RBFOX1: variants seen among roughly 807,000 people sequenced by gnomAD.
The protein encoded by RBFOX1 is RNA binding protein fox-1 homolog 1.
RBFOX1 carries 8 observed loss-of-function variants against 57.7 expected under a neutral mutation model. The observed-to-expected ratio is 0.14, with a 90% CI of 0.08 to 0.25. The LOEUF is 0.25. Among genes scored for constraint, RBFOX1 ranks in the 10% least tolerant of loss-of-function variants. RBFOX1 has a pLI of 1.00. For synonymous variants in RBFOX1, 326 were observed against 222.4 expected, an observed-to-expected ratio of 1.47 and a Z score of -4.15; for missense variants, 611 against 548.5, an observed-to-expected ratio of 1.11 and a Z score of -1.14.
intron 9 of RBFOX1, among the ~76,000 whole-genome samples, chr16:7,604,025 G>T (rs2095175774): frequency 6.6e-6 from 1 of 152,146 alleles, no homozygotes; most frequent in Admixed American, 6.5e-5. Flanking sequence ...GGTGGCAATG[G>T]AGAAGAAGGG....
At chr16:5,972,040 A>T (rs956964615) in intron 4 of RBFOX1, among the ~76,000 whole-genome samples, 2 of 152,226 alleles carry the variant, frequency 1.3e-5, no homozygotes, top group Admixed American at 6.5e-5. Flanking sequence ...AAACTGAAGC[A>T]TGGGCTCTTT....
chr16:7,325,374 A>G (rs1025230629), intron 4 of RBFOX1, among the ~76,000 whole-genome samples: 2 of 152,208 alleles, frequency 1.3e-5, no homozygotes, highest in Non-Finnish European at 2.9e-5. Context: ...AATGTGGTCT[A>G]TGTGGTTTAA....
At chr16:6,141,413 C>G (rs1160999681) in intron 1 of RBFOX1, among the ~76,000 whole-genome samples, 1 of 152,114 alleles carries the variant, frequency 6.6e-6, no homozygotes, top group Non-Finnish European at 1.5e-5. Flanking sequence ...TGTCGCTTGT[C>G]TCCTCCCCCT....
chr16:6,134,445 G>T (rs539243304), intron 1 of RBFOX1, among the ~76,000 whole-genome samples: 3 of 152,194 alleles, frequency 2.0e-5, no homozygotes, highest in African/African-American at 7.2e-5. Context: ...TGAATGTCTT[G>T]TTAGGGGTAT....
intron 4 of RBFOX1, among the ~76,000 whole-genome samples, chr16:7,182,996 G>A (rs186945436): frequency 1.2e-4 from 19 of 152,268 alleles, no homozygotes; most frequent in African/African-American, 4.6e-4. Flanking sequence ...TGAGAGCTAA[G>A]CCTTATTTAG....
At chr16:7,060,177 C>T (rs185568464) in intron 4 of RBFOX1, among the ~76,000 whole-genome samples, 45 of 152,246 alleles carry the variant, frequency 3.0e-4, no homozygotes, top group African/African-American at 1.0e-3. Flanking sequence ...ATAGGGTCTC[C>T]ATTGCCCCCA....
intron 4 of RBFOX1, among the ~76,000 whole-genome samples, chr16:7,074,314 A>G (rs1271816366): frequency 6.6e-6 from 1 of 152,254 alleles, no homozygotes; most frequent in Non-Finnish European, 1.5e-5. Context: ...ACCATAAGCA[A>G]GAACCAAACT....
intron 1 of RBFOX1, 141 bp downstream of exon 1, chr16:6,020,133 T>G (rs2095039133): frequency 9.8e-7 from 1 of 1,018,614 alleles, no homozygotes; most frequent in African/African-American, 1.7e-5. Context: ...ACGGGAACTT[T>G]TTCAGGGTGT....
intron 1 of RBFOX1, among the ~76,000 whole-genome samples, chr16:5,304,605 G>A (rs975268921): frequency 6.6e-6 from 1 of 152,234 alleles, no homozygotes; most frequent in Non-Finnish European, 1.5e-5. Flanking sequence ...TCCTTTTATT[G>A]CCAGATACTC....
At chr16:5,350,912 A>G (rs1347810693) in intron 1 of RBFOX1, among the ~76,000 whole-genome samples, 2 of 151,582 alleles carry the variant, frequency 1.3e-5, no homozygotes, top group African/African-American at 2.4e-5. Flanking sequence ...ATCATAATGC[A>G]TCTCGCAGGG....
intron 1 of RBFOX1, among the ~76,000 whole-genome samples, chr16:6,168,458 G>T (rs927594007): frequency 6.6e-6 from 1 of 152,154 alleles, no homozygotes; most frequent in African/African-American, 2.4e-5. Context: ...GTTATATGCA[G>T]ACTTCTGAAC....
At chr16:6,672,475 G>GA (rs1309174855) in intron 3 of RBFOX1, among the ~76,000 whole-genome samples, 2 of 138,750 alleles carry the variant, frequency 1.4e-5, no homozygotes, top group Non-Finnish European at 3.1e-5. Flanking sequence ...AAGAAGGAAA[G>GA]AAAAAAGAAA....
At chr16:5,634,645 A>T (rs1424363964) in intron 3 of RBFOX1, among the ~76,000 whole-genome samples, 2 of 152,202 alleles carry the variant, frequency 1.3e-5, no homozygotes, top group Non-Finnish European at 2.9e-5. Context: ...GTCAGAGAGG[A>T]AGGATCATAG....
At chr16:6,871,283 TA>T (rs567544657) in intron 3 of RBFOX1, among the ~76,000 whole-genome samples, 216 of 152,280 alleles carry the variant, frequency 1.4e-3, no homozygotes, top group African/African-American at 4.7e-3. Context: ...CCTCCTGGGT[TA>T]AAGTGATTTT....
chr16:5,706,448 C>T (rs938988233), intron 3 of RBFOX1, among the ~76,000 whole-genome samples: 1 of 152,118 alleles, frequency 6.6e-6, no homozygotes, highest in Non-Finnish European at 1.5e-5. Flanking sequence ...CTGGTGCTCC[C>T]CCGTCATTTA....
chr16:6,513,194 A>T (rs940660833), intron 2 of RBFOX1, among the ~76,000 whole-genome samples: 10 of 152,196 alleles, frequency 6.6e-5, no homozygotes, highest in African/African-American at 2.4e-4. Context: ...TGAGAGTAAG[A>T]ATGCCTAGCA....
intron 2 of RBFOX1, among the ~76,000 whole-genome samples, chr16:6,569,714 C>T (rs2097317753): frequency 6.6e-6 from 1 of 152,150 alleles, no homozygotes; most frequent in African/African-American, 2.4e-5. Flanking sequence ...GCTTACCTAC[C>T]ATCCAGAATT....
intron 4 of RBFOX1, among the ~76,000 whole-genome samples, chr16:7,488,574 T>G (rs1047343834): frequency 3.3e-5 from 5 of 152,094 alleles, no homozygotes; most frequent in Non-Finnish European, 7.4e-5. Context: ...CATATGTTTA[T>G]CCATTCTGAC....
At chr16:5,846,517 C>T (rs2056761815) in intron 3 of RBFOX1, among the ~76,000 whole-genome samples, 1 of 152,106 alleles carries the variant, frequency 6.6e-6, no homozygotes, top group Non-Finnish European at 1.5e-5. Context: ...GATTTTCTTC[C>T]CCCAACTGGG....
Sources: gnomAD v4.1 joint callset for allele counts (sites outside exome capture counted in the v4.1 genomes callset) on GRCh38, gnomAD v4.1.1 for gene constraint, MANE v1.5 for transcripts, NCBI Gene and HGNC (gene_info 2026-07-23, HGNC 2026-07-21) for gene names.